HERPUD2: variants seen among roughly 807,000 people sequenced by gnomAD.
The protein encoded by HERPUD2 is HERPUD family member 2.
A neutral mutation model predicts 49.9 loss-of-function variants in HERPUD2; 13 were observed. That is an observed-to-expected ratio of 0.26 (90% CI 0.17 to 0.41). HERPUD2 has a LOEUF of 0.41. Ranked by LOEUF, HERPUD2 falls within the 10% of genes least tolerant of loss-of-function variation. The pLI, the probability that HERPUD2 is intolerant of heterozygous loss-of-function variation, is 1.00. For synonymous variants in HERPUD2, 172 were observed against 171.4 expected (o/e 1.00, Z -0.03); for missense variants, 449 against 492.2 (o/e 0.91, Z 0.83).
chr7:35,633,946 A>G, intron 8 of HERPUD2, 95 bp from the exon 9 acceptor site: 5 of 1,257,746 alleles, frequency 4.0e-6, no homozygotes, highest in Non-Finnish European at 5.5e-6. Flanking sequence ...ACAAAGGACT[A>G]TGAAGTGGTA....
At position 35,694,470 on chromosome 7, in the gene HERPUD2, G is replaced by A. The variant is rs1786271479; in HGVS notation, c.-140C>T. 10 of 831,028 alleles carry A rather than the reference G, an allele frequency of 1.2e-5. No homozygotes were observed. Among genetic ancestry groups the A allele is most frequent in the South Asian group, 1.6e-5 (1 of 61,468 alleles). The allele number at this position is 831,028 out of a possible 1,614,324, so 51.5% of individuals were successfully genotyped here. A position where few individuals can be genotyped will look rare whatever the true frequency, so the allele number is the denominator to read the frequency against. On this transcript the variant is annotated 5_prime_UTR_variant, in exon 2 of 9. Coordinates refer to ENST00000311350, the MANE Select transcript of HERPUD2 (RefSeq NM_022373.5). ...TGTCCAAGTCAGTTACAAGTGCACT[G>A]GAGGATACGAAGCCCATTGCCGGTA...
Position 35,694,267 on chromosome 7 carries a change from T to C in HERPUD2, c.64A>G (p.Ser22Gly). The change falls in exon 2 of 9, where the codon AGT (serine) becomes GGT (glycine). Residue 22 changes from serine to glycine, a missense_variant. Ser to Gly is a moderately conservative substitution (Grantham distance 56). Transcript: ENST00000311350. ...AAGAAGCAGCTAATAGTCTGGTCACTGTATTTCTGATTCGGTGCTTTAATG... is the reference window on the plus strand; with the variant it reads ...AAGAAGCAGCTAATAGTCTGGTCACCGTATTTCTGATTCGGTGCTTTAATG... ...LIIKAPNQKY[S>G]DQTISCFLNW... The C allele has an allele frequency of 1.2e-6, 2 of 1,614,118 alleles. No individual in the cohort carries two copies. The highest frequency in any genetic ancestry group is 8.5e-7 in the Non-Finnish European group (1 of 1,179,978).
At chr7:35,668,444 T>C (rs1453147428) in intron 4 of HERPUD2, 7 of 152,906 alleles carry the variant, frequency 4.6e-5, no homozygotes, top group Non-Finnish European at 1.0e-4. Context: ...TAAAACACAA[T>C]TACATTTTAC....
At chr7:35,693,159 GA>G (rs1786229380) in intron 2 of HERPUD2, among the ~76,000 whole-genome samples, 1 of 152,234 alleles carries the variant, frequency 6.6e-6, no homozygotes, top group Admixed American at 6.5e-5. Flanking sequence ...TTTGGGGACA[GA>G]TGGAGCTGTA....
At chr7:35,674,394 TATATATATATAGAGAGAGAGAG>T (rs1785707352) in intron 2 of HERPUD2, among the ~76,000 whole-genome samples, 2 of 58,058 alleles carry the variant, frequency 3.4e-5, no homozygotes, top group South Asian at 6.6e-4. Context: ...TATATATATA[TATATATATATAGAGAGAGAGAG>T]AGAGAGAGAG....
At position 35,638,457 on chromosome 7, in the gene HERPUD2, T is replaced by C. The variant is rs775516765; in HGVS notation, c.510A>G (p.Gln170=). Residue 170 remains glutamine, a synonymous_variant, in exon 6 of 9, where the codon CAA becomes CAG. Coordinates refer to ENST00000311350, the MANE Select transcript of HERPUD2 (RefSeq NM_022373.5). ...PYVMQGNVDN[Q]FPGQAAPPGF... is the part of the protein sequence containing the mutation. ...CAGGTGGAGCAGCTTGCCCAGGAAA[T>C]TGGTTGTCTACATTTCTGCAAGAAA... The C allele has an allele frequency of 1.1e-5, 17 of 1,613,000 alleles. No individual in the cohort carries two copies. Among genetic ancestry groups the C allele is most frequent in the Middle Eastern group, 1.6e-4 (1 of 6,080 alleles).
chr7:35,670,080 T>G, intron 4 of HERPUD2, 135 bp downstream of exon 4: 1 of 491,798 alleles, frequency 2.0e-6, no homozygotes, highest in South Asian at 3.9e-5. Flanking sequence ...AATGCCTAAC[T>G]TTAGTTCAAA....
intron 2 of HERPUD2, among the ~76,000 whole-genome samples, chr7:35,684,031 C>A (rs1785974535): frequency 1.3e-5 from 2 of 152,140 alleles, no homozygotes; most frequent in African/African-American, 4.8e-5. Context: ...GTAGAACTAC[C>A]ATTTGATCCA....
At chr7:35,685,454 G>A (rs1241459106) in intron 2 of HERPUD2, among the ~76,000 whole-genome samples, 1 of 151,282 alleles carries the variant, frequency 6.6e-6, no homozygotes, top group Non-Finnish European at 1.5e-5. Context: ...CTCCCGAGTA[G>A]CTGGGATTAC....
At chr7:35,674,167 A>G (rs1184225609) in intron 2 of HERPUD2, among the ~76,000 whole-genome samples, 1 of 151,770 alleles carries the variant, frequency 6.6e-6, no homozygotes, top group Non-Finnish European at 1.5e-5. Context: ...AAAATTAGCC[A>G]TAATAGAAAT....
chr7:35,677,559 G>A (rs994371262), intron 2 of HERPUD2, among the ~76,000 whole-genome samples: 17 of 152,314 alleles, frequency 1.1e-4, no homozygotes, highest in Middle Eastern at 6.8e-3. Flanking sequence ...GGAGAGACAC[G>A]TAGAGATAGC....
intron 2 of HERPUD2, among the ~76,000 whole-genome samples, chr7:35,691,132 C>G (rs180981319): frequency 6.6e-6 from 1 of 152,210 alleles, no homozygotes; most frequent in African/African-American, 2.4e-5. Context: ...AATGCTAGGC[C>G]AATAAAATCC....
At chr7:35,686,285 T>A (rs558096637) in intron 2 of HERPUD2, among the ~76,000 whole-genome samples, 2 of 55,424 alleles carry the variant, frequency 3.6e-5, no homozygotes, top group African/African-American at 1.5e-4. Context: ...GCCTCCCAGG[T>A]TCATGCCATT....
intron 2 of HERPUD2, among the ~76,000 whole-genome samples, chr7:35,686,560 A>T (rs1396836674): frequency 1.4e-5 from 2 of 145,186 alleles, no homozygotes; most frequent in Non-Finnish European, 3.0e-5. Context: ...TCTACTAAAA[A>T]TACAAAAAAT....
intron 2 of HERPUD2, among the ~76,000 whole-genome samples, chr7:35,678,103 A>C (rs1423526601): frequency 6.6e-6 from 1 of 152,132 alleles, no homozygotes; most frequent in Non-Finnish European, 1.5e-5. Flanking sequence ...ATGAGGCTCT[A>C]ATGAGATTAT....
intron 2 of HERPUD2, among the ~76,000 whole-genome samples, chr7:35,682,357 G>GTGTGTATA (rs1315389393): frequency 1.2e-4 from 3 of 25,824 alleles, no homozygotes; most frequent in African/African-American, 4.3e-4. Context: ...GTGTGTGTGT[G>GTGTGTATA]TATATATATA....
chr7:35,678,951 A>C (rs1226346408), intron 2 of HERPUD2, among the ~76,000 whole-genome samples: 1 of 152,244 alleles, frequency 6.6e-6, no homozygotes, highest in Admixed American at 6.5e-5. Context: ...CAAAATACAT[A>C]TAAATGGAGT....
chr7:35,660,223 C>T (rs1039514987), intron 5 of HERPUD2, among the ~76,000 whole-genome samples: 41 of 152,296 alleles, frequency 2.7e-4, no homozygotes, highest in Admixed American at 9.8e-4. Flanking sequence ...TTTTTTATGG[C>T]GGCATAGTAT....
At chr7:35,678,166 T>C (rs1785806311) in intron 2 of HERPUD2, among the ~76,000 whole-genome samples, 1 of 152,156 alleles carries the variant, frequency 6.6e-6, no homozygotes, top group Non-Finnish European at 1.5e-5. Flanking sequence ...ATGTTCATTA[T>C]GCATAAGAAC....
Sources: allele counts gnomAD v4.1 joint callset (sites outside exome capture counted in the v4.1 genomes callset), GRCh38; gene constraint gnomAD v4.1.1; transcripts MANE v1.5; gene names NCBI Gene and HGNC (gene_info 2026-07-23, HGNC 2026-07-21).